Variants in ALG14 observed in about 807,000 individuals in gnomAD.
ALG14 encodes UDP-N-acetylglucosamine transferase subunit ALG14.
In ALG14, 17 loss-of-function variants were observed where a neutral mutation model predicts 22.8. That is an observed-to-expected ratio of 0.75 (90% CI 0.51 to 1.12). The LOEUF (loss-of-function observed/expected upper bound fraction) is 1.12, where lower values mean the gene tolerates loss of function less well. ALG14 is among the 50% of genes most tolerant of loss of function. The pLI is 0.00. For missense variants in ALG14, 288 were observed against 271.8 expected, an observed-to-expected ratio of 1.06 and a Z score of -0.42; for synonymous variants, 89 against 103.7, an observed-to-expected ratio of 0.86 and a Z score of 0.86.
At chr1:95,062,155 A>G (rs1395539646) in intron 2 of ALG14, 7 of 152,252 alleles carry the variant, frequency 4.6e-5, no homozygotes, top group Non-Finnish European at 1.5e-5. Context: ...TTTAATGAAG[A>G]GCCAATAAGC....
chr1:95,013,730 A>G (rs1164538767), intron 3 of ALG14, among the ~76,000 whole-genome samples: 1 of 152,216 alleles, frequency 6.6e-6, no homozygotes, highest in Non-Finnish European at 1.5e-5. Flanking sequence ...TCTGCAGACA[A>G]AAGAGGTCAA....
intron 2 of ALG14, among the ~76,000 whole-genome samples, chr1:95,030,633 G>A (rs1009964144): frequency 6.6e-6 from 1 of 152,192 alleles, no homozygotes; most frequent in Admixed American, 6.5e-5. Context: ...TCCAGACAGT[G>A]TCACCAGGAC....
At chr1:95,015,311 A>T (rs1169742284) in intron 3 of ALG14, among the ~76,000 whole-genome samples, 1 of 152,082 alleles carries the variant, frequency 6.6e-6, no homozygotes, top group Non-Finnish European at 1.5e-5. Flanking sequence ...TTAATCAAAG[A>T]CCTCTCCAAG....
intron 2 of ALG14, among the ~76,000 whole-genome samples, chr1:95,045,000 T>C (rs1674500487): frequency 6.6e-6 from 1 of 152,214 alleles, no homozygotes; most frequent in Non-Finnish European, 1.5e-5. Flanking sequence ...CCATATTTAA[T>C]GTCTCAATAA....
intron 2 of ALG14, among the ~76,000 whole-genome samples, chr1:95,039,497 G>A (rs1674314718): frequency 1.3e-5 from 2 of 152,136 alleles, no homozygotes; most frequent in South Asian, 2.1e-4. Flanking sequence ...TAACTCTCAG[G>A]TTTTTACCTA....
rs2100699292 is a variant in ALG14 at position 94,975,288 on chromosome 1, G to A, written c.*7788C>T. On this transcript the variant is annotated 3_prime_UTR_variant, in exon 4 of 4. Coordinates refer to ENST00000370205, the MANE Select transcript of ALG14 (RefSeq NM_144988.4). ...GCTGGCTTCTGTAACTTAGCCTACT[G>A]TTTACAAGGTTCATCCACACTGTAG... is the stretch of plus-strand genomic sequence containing the variant. 6.6e-6 allele frequency: 1 copy of A among 152,270 alleles called. No homozygotes were observed. The highest frequency in any genetic ancestry group is 2.4e-5 in the African/African-American group (1 of 41,546). The allele number at this position is 152,270 out of a possible 1,614,324, so 9.4% of individuals were successfully genotyped here.
At chr1:95,066,486 G>A (rs1402087657) in intron 1 of ALG14, among the ~76,000 whole-genome samples, 1 of 152,054 alleles carries the variant, frequency 6.6e-6, no homozygotes, top group South Asian at 2.1e-4. Context: ...GCCTCCCAAA[G>A]TACTGGGATT....
rs1672413804 is a variant in ALG14 at position 94,977,179 on chromosome 1, A to C, written c.*5897T>G. The C allele has an allele frequency of 6.6e-6, 1 of 152,172 alleles. No individual in the cohort carries two copies. The highest frequency in any genetic ancestry group is 1.5e-5 in the Non-Finnish European group (1 of 68,042). The allele number at this position is 152,172 out of a possible 1,614,324, so 9.4% of individuals were successfully genotyped here. A position where few individuals can be genotyped will look rare whatever the true frequency, so the allele number is the denominator to read the frequency against. ...GATAAAACTAATACACAGATCACTG[A>C]CTGACTAAAGAGGAGATAGGCCGGG... On this transcript the variant is annotated 3_prime_UTR_variant, in exon 4 of 4. Coordinates refer to ENST00000370205, the MANE Select transcript of ALG14 (RefSeq NM_144988.4).
intron 3 of ALG14, among the ~76,000 whole-genome samples, chr1:94,996,868 G>A (rs1027229389): frequency 5.3e-5 from 8 of 152,010 alleles, no homozygotes; most frequent in Non-Finnish European, 1.2e-4. Context: ...TTTTAGTAGA[G>A]ACAGGGTTTC....
At chr1:95,028,567 GA>G (rs1673897790) in intron 2 of ALG14, among the ~76,000 whole-genome samples, 1 of 152,072 alleles carries the variant, frequency 6.6e-6, no homozygotes. Context: ...CCTGTAATGC[GA>G]GCACTCTGGG....
intron 2 of ALG14, among the ~76,000 whole-genome samples, chr1:95,060,464 C>A (rs1675105695): frequency 6.6e-6 from 1 of 152,014 alleles, no homozygotes; most frequent in African/African-American, 2.4e-5. Context: ...CGCCTGTAAT[C>A]CCAGCACTTT....
At chr1:95,020,324 G>A (rs1397190073) in intron 3 of ALG14, among the ~76,000 whole-genome samples, 4 of 152,082 alleles carry the variant, frequency 2.6e-5, no homozygotes, top group African/African-American at 7.2e-5. Context: ...AATGACTTCT[G>A]GGCAGGGTAA....
intron 3 of ALG14, among the ~76,000 whole-genome samples, chr1:95,006,629 C>T (rs1320869412): frequency 6.6e-6 from 1 of 152,186 alleles, no homozygotes; most frequent in African/African-American, 2.4e-5. Context: ...GCTTAGTACC[C>T]ACCTTAGAAC....
At chr1:94,990,315 G>C (rs1672741667) in intron 3 of ALG14, among the ~76,000 whole-genome samples, 1 of 152,190 alleles carries the variant, frequency 6.6e-6, no homozygotes, top group African/African-American at 2.4e-5. Context: ...GCAGCAGATG[G>C]GGATGACGTA....
intron 3 of ALG14, among the ~76,000 whole-genome samples, chr1:95,014,358 A>C (rs1356142937): frequency 6.6e-6 from 1 of 152,228 alleles, no homozygotes; most frequent in Non-Finnish European, 1.5e-5. Context: ...ATAGTGGCTA[A>C]TTAACCTGTT....
chr1:95,061,128 C>T (rs564066197), intron 2 of ALG14, among the ~76,000 whole-genome samples: 4 of 152,262 alleles, frequency 2.6e-5, no homozygotes, highest in South Asian at 2.1e-4. Context: ...TCAGAACCTC[C>T]GGAGGGAGTA....
At chr1:95,038,461 T>C (rs1249427480) in intron 2 of ALG14, among the ~76,000 whole-genome samples, 1 of 151,572 alleles carries the variant, frequency 6.6e-6, no homozygotes, top group African/African-American at 2.4e-5. Flanking sequence ...TGCACTCTAG[T>C]CTGGTGACAG....
intron 2 of ALG14, among the ~76,000 whole-genome samples, chr1:95,035,130 T>C (rs1455273809): frequency 6.6e-6 from 1 of 152,254 alleles, no homozygotes; most frequent in African/African-American, 2.4e-5. Context: ...CTGCTATTGC[T>C]CCTACCTGGC....
At chr1:95,010,332 G>A (rs1673329339) in intron 3 of ALG14, among the ~76,000 whole-genome samples, 1 of 152,166 alleles carries the variant, frequency 6.6e-6, no homozygotes, top group Non-Finnish European at 1.5e-5. Flanking sequence ...AGTTCTGACA[G>A]TACATCCAAT....
Sources: gnomAD v4.1 joint callset for allele counts (sites outside exome capture counted in the v4.1 genomes callset) on GRCh38, gnomAD v4.1.1 for gene constraint, MANE v1.5 for transcripts, NCBI Gene and HGNC (gene_info 2026-07-23, HGNC 2026-07-21) for gene names.